RERE: variants seen among roughly 807,000 people sequenced by gnomAD.
The protein encoded by RERE is arginine-glutamic acid dipeptide repeats.
RERE carries 40 observed loss-of-function variants against 146.1 expected under a neutral mutation model. The ratio of observed to expected loss-of-function variants is 0.27; its 90% CI spans 0.21 to 0.36. RERE has a LOEUF of 0.36. Ranked by LOEUF, RERE falls within the 10% of genes least tolerant of loss-of-function variation. RERE has a pLI of 1.00. For missense variants in RERE, 1,933 were observed against 2,138.7 expected, an observed-to-expected ratio of 0.90 and a Z score of 1.90; for synonymous variants, 1,003 against 866.0, an observed-to-expected ratio of 1.16 and a Z score of -2.78.
chr1:8,713,877 A>G (rs1639715175), intron 1 of RERE, among the ~76,000 whole-genome samples: 1 of 152,202 alleles, frequency 6.6e-6, no homozygotes, highest in East Asian at 1.9e-4. Flanking sequence ...CTTAGCTTAC[A>G]CAGGCAATCA....
intron 1 of RERE, among the ~76,000 whole-genome samples, chr1:8,705,882 C>T (rs550213793): frequency 2.0e-5 from 3 of 152,124 alleles, no homozygotes; most frequent in East Asian, 3.9e-4. Context: ...TTTGGGAGGC[C>T]GAGGTGGGCA....
intron 8 of RERE, among the ~76,000 whole-genome samples, 160 bp downstream of exon 8, chr1:8,508,467 G>A (rs567287570): frequency 9.9e-5 from 15 of 152,284 alleles, no homozygotes; most frequent in African/African-American, 3.6e-4. Flanking sequence ...GATGGTAAAT[G>A]TATGTGGTGA....
In RERE at chr1:8,698,375, T is replaced by C. The variant is rs114122836; in HGVS notation, c.-144-41934A>G. The stretch of plus-strand genomic sequence containing the variant: ...ATATACCACTGTTTCTACCCAGCTA[T>C]TTTAAAATTATTGGTAGATAATGTG... On this transcript the variant is annotated intron_variant, in intron 1 of 22. Transcript: ENST00000400908. Among the ~76,000 whole-genome samples the C allele has an allele frequency of 5.3e-3, 801 of 152,376 alleles. 4 individuals are homozygous for C. The highest frequency in any genetic ancestry group is 0.019 in the African/African-American group (774 of 41,590).
chr1:8,769,008 T>G (rs971376572), intron 1 of RERE, among the ~76,000 whole-genome samples: 17 of 152,178 alleles, frequency 1.1e-4, no homozygotes, highest in African/African-American at 3.9e-4. Context: ...ACAAATAAAT[T>G]TTATAGGAAC....
At chr1:8,730,943 A>T (rs1242314205) in intron 1 of RERE, among the ~76,000 whole-genome samples, 1 of 152,200 alleles carries the variant, frequency 6.6e-6, no homozygotes, top group African/African-American at 2.4e-5. Flanking sequence ...CCATCCTCAC[A>T]GCAAGAAAAC....
chr1:8,677,830 T>C (rs969640850), intron 1 of RERE, among the ~76,000 whole-genome samples: 1 of 152,232 alleles, frequency 6.6e-6, no homozygotes, highest in Admixed American at 6.5e-5. Flanking sequence ...AGATACAAGA[T>C]GCTCAATAAA....
chr1:8,607,898 G>A (rs1232116097), intron 4 of RERE, among the ~76,000 whole-genome samples: 2 of 151,892 alleles, frequency 1.3e-5, no homozygotes, highest in Non-Finnish European at 2.9e-5. Flanking sequence ...GCTAATTTTT[G>A]TATTTTTAGT....
intron 4 of RERE, among the ~76,000 whole-genome samples, chr1:8,589,485 C>G (rs1456609101): frequency 6.6e-6 from 1 of 152,106 alleles, no homozygotes; most frequent in Non-Finnish European, 1.5e-5. Context: ...AGATAAAAAC[C>G]AAATAATCAG....
intron 12 of RERE, among the ~76,000 whole-genome samples, chr1:8,408,193 A>C (rs1570165798): frequency 6.6e-6 from 1 of 150,944 alleles, no homozygotes; most frequent in African/African-American, 2.4e-5. Context: ...GGCTAAGTTA[A>C]CCTCCTCAGC....
Position 8,646,556 on chromosome 1 carries a change from C to CAAACAAA in RERE, c.325+9416_325+9417insTTTGTTT, listed in dbSNP as rs376345341. Among the ~76,000 whole-genome samples, 546 of 144,278 alleles carry CAAACAAA rather than the reference C, an allele frequency of 3.8e-3. 4 individuals are homozygous for CAAACAAA. Among genetic ancestry groups the CAAACAAA allele is most frequent in the African/African-American group, 0.013 (524 of 39,250 alleles). 94.7% of individuals were successfully genotyped at this position (144,278 alleles called of 152,430 possible). A position where few individuals can be genotyped will look rare whatever the true frequency, so the allele number is the denominator to read the frequency against. The stretch of plus-strand genomic sequence containing the variant: ...CGCCACTCAAAAAAAAACAAACAAA[C>CAAACAAA]AAAAAAAAAACAGGGTCATCATTGC... On this transcript the variant is annotated intron_variant, in intron 2 of 22. Coordinates refer to ENST00000400908, the MANE Select transcript of RERE (RefSeq NM_001042681.2).
intron 1 of RERE, among the ~76,000 whole-genome samples, chr1:8,667,529 T>C (rs1638604633): frequency 6.6e-6 from 1 of 152,024 alleles, no homozygotes. Flanking sequence ...TACAAAAAAT[T>C]AGCTGGGCAT....
In RERE at chr1:8,609,150, G is replaced by A. The variant is rs148341173; in HGVS notation, c.522+5411C>T. Reference sequence around the variant, plus strand: ...AGAGAACTGCTTGAACCCGGGAGGCGGAGGCTGCAGTGAGTTGAGACTGCA... The same window carrying A: ...AGAGAACTGCTTGAACCCGGGAGGCAGAGGCTGCAGTGAGTTGAGACTGCA... On this transcript the variant is annotated intron_variant, in intron 4 of 22. Coordinates refer to ENST00000400908, the MANE Select transcript of RERE (RefSeq NM_001042681.2). Among the ~76,000 whole-genome samples the A allele has an allele frequency of 8.0e-3, 1,211 of 151,990 alleles. 13 individuals carry two copies. The highest frequency in any genetic ancestry group is 0.028 in the African/African-American group (1,154 of 41,414).
At chr1:8,601,130 C>T (rs1436959062) in intron 4 of RERE, among the ~76,000 whole-genome samples, 1 of 149,158 alleles carries the variant, frequency 6.7e-6, no homozygotes, top group East Asian at 2.0e-4. Flanking sequence ...AGCAGTTCTC[C>T]TGCCTCAGCC....
intron 12 of RERE, among the ~76,000 whole-genome samples, chr1:8,386,980 G>T (rs1213161017): frequency 6.6e-6 from 1 of 152,134 alleles, no homozygotes; most frequent in Admixed American, 6.5e-5. Context: ...TTAGTTTGTG[G>T]AACAAGACAA....
chr1:8,663,425 A>G (rs1257758975), intron 1 of RERE, among the ~76,000 whole-genome samples: 1 of 152,146 alleles, frequency 6.6e-6, no homozygotes, highest in East Asian at 1.9e-4. Flanking sequence ...CTTAGCACTT[A>G]GTCTACCAGA....
intron 12 of RERE, among the ~76,000 whole-genome samples, chr1:8,387,849 T>A (rs1642735128): frequency 6.6e-6 from 1 of 152,222 alleles, no homozygotes; most frequent in Non-Finnish European, 1.5e-5. Context: ...AACAACAATC[T>A]GCTTTTCTTG....
At chr1:8,466,046 T>C (rs947779196) in intron 10 of RERE, 23 bp from the exon 11 acceptor site, 27 of 1,578,856 alleles carry the variant, frequency 1.7e-5, no homozygotes, top group Admixed American at 3.4e-5. Flanking sequence ...CAATTATAGT[T>C]AGCTAACTGC....
intron 1 of RERE, among the ~76,000 whole-genome samples, chr1:8,747,697 C>T (rs899342433): frequency 6.6e-6 from 1 of 152,070 alleles, no homozygotes; most frequent in African/African-American, 2.4e-5. Flanking sequence ...ACCCCCAAAA[C>T]CTAATCCTCC....
intron 11 of RERE, among the ~76,000 whole-genome samples, chr1:8,462,917 T>C (rs1570278804): frequency 6.6e-6 from 1 of 152,114 alleles, no homozygotes; most frequent in Admixed American, 6.5e-5. Context: ...AATTAGAATG[T>C]TCCAAGTATA....
Sources: gnomAD v4.1 joint callset for allele counts (sites outside exome capture counted in the v4.1 genomes callset) on GRCh38, gnomAD v4.1.1 for gene constraint, MANE v1.5 for transcripts, NCBI Gene and HGNC (gene_info 2026-07-23, HGNC 2026-07-21) for gene names.